The following IFT52 variants were observed in gnomAD, a reference collection of about 807,000 sequenced individuals.
IFT52 encodes the protein intraflagellar transport 52, also known as intraflagellar transport protein 52 homolog.
In IFT52, 44 loss-of-function variants were observed where a neutral mutation model predicts 54.4. The ratio of observed to expected loss-of-function variants is 0.81; its 90% CI spans 0.63 to 1.04. The LOEUF is 1.04. IFT52 is among the 50% of genes least tolerant of loss of function. The pLI is 0.00. For missense variants in IFT52, 452 were observed against 523.6 expected, an observed-to-expected ratio of 0.86 and a Z score of 1.33; for synonymous variants, 181 against 185.3, an observed-to-expected ratio of 0.98 and a Z score of 0.19.
At chr20:43,597,226 C>T (rs969965744) in intron 3 of IFT52, among the ~76,000 whole-genome samples, 2 of 151,588 alleles carry the variant, frequency 1.3e-5, no homozygotes, top group Non-Finnish European at 2.9e-5. Flanking sequence ...ACAAAATTAG[C>T]CAGGCGTGGT....
intron 8 of IFT52, 63 bp from the exon 9 acceptor site, chr20:43,620,794 C>T: frequency 8.5e-7 from 1 of 1,176,388 alleles, no homozygotes; most frequent in Non-Finnish European, 1.2e-6. Context: ...ATTCTCTAGT[C>T]CTGACCTTCA....
intron 7 of IFT52, among the ~76,000 whole-genome samples, chr20:43,617,016 A>C (rs1254843623): frequency 2.0e-5 from 3 of 152,174 alleles, no homozygotes; most frequent in Admixed American, 2.0e-4. Context: ...CTATCTCTAA[A>C]AATGGGAAAA....
At chr20:43,638,343 G>A (rs542320886) in intron 12 of IFT52, among the ~76,000 whole-genome samples, 50 of 151,874 alleles carry the variant, frequency 3.3e-4, no homozygotes, top group African/African-American at 1.1e-3. Context: ...GTTGCCCACC[G>A]CCACGCATGG....
chr20:43,646,786 C>T (rs972221176), intron 13 of IFT52, 150 bp from the exon 14 acceptor site: 7 of 678,140 alleles, frequency 1.0e-5, no homozygotes, highest in African/African-American at 3.6e-5. Flanking sequence ...AAATTTGATC[C>T]TTGGGTTGGA....
chr20:43,623,919 C>T lies in IFT52; in HGVS notation c.797C>T (p.Thr266Ile), dbSNP rs1984528070. The T allele has an allele frequency of 6.2e-7, 1 of 1,614,176 alleles. No homozygotes were observed. The highest frequency in any genetic ancestry group is 1.3e-5 in the African/African-American group (1 of 75,054). Residue 266 changes from threonine to isoleucine, a missense_variant, in exon 10 of 14, where the codon ACA becomes ATA. Transcript: ENST00000373030. ...EISDYMMLPY[T>I]ATLSKRNREC... ...TCTGACTACATGATGCTGCCCTACA[C>T]AGCCACCCTATCAAAGCGGAATCGA...
chr20:43,619,546 C>T (rs1404042570), intron 8 of IFT52, among the ~76,000 whole-genome samples: 1 of 152,020 alleles, frequency 6.6e-6, no homozygotes, highest in Non-Finnish European at 1.5e-5. Flanking sequence ...GTGGTGTCAC[C>T]AGGCAAGGAG....
At chr20:43,601,707 T>C (rs559558146) in intron 3 of IFT52, among the ~76,000 whole-genome samples, 1 of 152,312 alleles carries the variant, frequency 6.6e-6, no homozygotes, top group African/African-American at 2.4e-5. Flanking sequence ...AGAATATATA[T>C]TGCAAACTAG....
intron 2 of IFT52, among the ~76,000 whole-genome samples, chr20:43,595,158 TAAAAA>T (rs201812874): frequency 2.0e-5 from 3 of 147,864 alleles, no homozygotes; most frequent in African/African-American, 7.4e-5. Context: ...TACTAAAAAT[TAAAAA>T]AAAAATTAGC....
intron 10 of IFT52, among the ~76,000 whole-genome samples, chr20:43,625,337 C>T (rs899555629): frequency 3.3e-5 from 5 of 151,956 alleles, no homozygotes; most frequent in African/African-American, 9.7e-5. Flanking sequence ...GGCGAAACCC[C>T]GTCTCTACTA....
intron 3 of IFT52, among the ~76,000 whole-genome samples, chr20:43,599,086 G>A (rs560366520): frequency 6.3e-4 from 96 of 152,300 alleles, no homozygotes; most frequent in Middle Eastern, 3.4e-3. Flanking sequence ...TTGACAGAAG[G>A]AGTAGAAATT....
At chr20:43,635,123 G>A (rs1476916906) in intron 10 of IFT52, among the ~76,000 whole-genome samples, 6 of 151,212 alleles carry the variant, frequency 4.0e-5, no homozygotes, top group East Asian at 2.0e-4. Context: ...AGCCGAGATC[G>A]CGCCACTGCA....
In IFT52 at chr20:43,641,238, T is replaced by G. The variant is rs1351374470; in HGVS notation, c.1121-1241T>G. 3.3e-5 allele frequency among the ~76,000 whole-genome samples: 5 copies of G among 152,070 alleles called. No individual in the cohort carries two copies. The South Asian group carries it at 1.0e-3, about 32-fold the overall frequency. On this transcript the variant is annotated intron_variant, in intron 12 of 13. Coordinates refer to ENST00000373030, the MANE Select transcript of IFT52 (RefSeq NM_016004.5). ...GGTTTTGTTTTGTTTTGTTTTGTTT[T>G]GAGACCTAATTTTGCTCTTGTTGCC...
chr20:43,612,378 C>T (rs1233749379), intron 6 of IFT52, among the ~76,000 whole-genome samples: 1 of 151,962 alleles, frequency 6.6e-6, no homozygotes, highest in East Asian at 1.9e-4. Flanking sequence ...TGAGATTTTA[C>T]TGAAGGAATG....
At chr20:43,607,883 G>T (rs1472821782) in intron 6 of IFT52, among the ~76,000 whole-genome samples, 2 of 152,204 alleles carry the variant, frequency 1.3e-5, no homozygotes, top group East Asian at 1.9e-4. Flanking sequence ...ACAAGACTCC[G>T]TCTGCAATCC....
chr20:43,615,970 C>T (rs927893653), intron 7 of IFT52, among the ~76,000 whole-genome samples: 12 of 151,932 alleles, frequency 7.9e-5, no homozygotes, highest in African/African-American at 2.7e-4. Context: ...TAGCCAGGCA[C>T]GGTGGCAGGC....
chr20:43,592,126 G>C (rs1053664667), intron 1 of IFT52, among the ~76,000 whole-genome samples: 2 of 152,068 alleles, frequency 1.3e-5, no homozygotes, highest in Non-Finnish European at 2.9e-5. Context: ...AGGCCAAAGC[G>C]GGTGGATCAC....
chr20:43,595,360 C>G (rs1030957415), intron 2 of IFT52, among the ~76,000 whole-genome samples: 101 of 148,616 alleles, frequency 6.8e-4, no homozygotes, highest in African/African-American at 2.5e-3. Flanking sequence ...ACCATCCTGG[C>G]CAACATGGCG....
chr20:43,620,097 A>C (rs1478760315), intron 8 of IFT52, among the ~76,000 whole-genome samples: 1 of 151,256 alleles, frequency 6.6e-6, no homozygotes, highest in Non-Finnish European at 1.5e-5. Flanking sequence ...TTGTATTTTT[A>C]GTAGAGATGA....
At chr20:43,602,459 G>A (rs968663456) in intron 3 of IFT52, among the ~76,000 whole-genome samples, 17 of 151,678 alleles carry the variant, frequency 1.1e-4, no homozygotes, top group African/African-American at 3.6e-4. Context: ...ACTGCACCCC[G>A]CCTTAATTTT....
Sources: allele counts gnomAD v4.1 joint callset (sites outside exome capture counted in the v4.1 genomes callset), GRCh38; gene constraint gnomAD v4.1.1; transcripts MANE v1.5; gene names NCBI Gene and HGNC (gene_info 2026-07-23, HGNC 2026-07-21).